Variants in CD46 observed in about 807,000 individuals in gnomAD.
The protein encoded by CD46 is membrane cofactor protein.
In CD46, 30 loss-of-function variants were observed where a neutral mutation model predicts 53.3. The ratio of observed to expected loss-of-function variants is 0.56; its 90% CI spans 0.42 to 0.76. The LOEUF is 0.76. Ranked by LOEUF, CD46 falls within the 30% of genes least tolerant of loss-of-function variation. CD46 has a pLI of 0.00. For synonymous variants in CD46, 142 were observed against 152.0 expected, an observed-to-expected ratio of 0.93 and a Z score of 0.48; for missense variants, 409 against 463.0, an observed-to-expected ratio of 0.88 and a Z score of 1.07.
Position 207,757,114 on chromosome 1 carries a change from A to T in CD46, c.198A>T (p.Lys66Asn), listed in dbSNP as rs150429980. ...IGERVDYKCK[K>N]GYFYIPPLAT... ...AACGAGTAGATTATAAGTGTAAAAA[A>T]GGATACTTCTATATACCTCCTCTTG... Residue 66 changes from lysine (K) to asparagine (N), a missense_variant, in exon 2 of 13, where the codon AAA (lysine) becomes AAT (asparagine). Coordinates refer to ENST00000367042, the MANE Select transcript of CD46 (RefSeq NM_172351.3). The T allele has an allele frequency of 3.2e-4, 523 of 1,613,892 alleles. No homozygotes were observed. Among genetic ancestry groups the T allele is most frequent in the Non-Finnish European group, 4.1e-4 (483 of 1,179,868 alleles).
intron 3 of CD46, among the ~76,000 whole-genome samples, chr1:207,759,330 T>C (rs1158028996): frequency 6.6e-6 from 1 of 152,116 alleles, no homozygotes; most frequent in African/African-American, 2.4e-5. Context: ...CTGTGCAAAG[T>C]GGTGTGAGAA....
chr1:207,767,324 C>G, intron 6 of CD46, 129 bp downstream of exon 6: 2 of 852,770 alleles, frequency 2.3e-6, no homozygotes, highest in Non-Finnish European at 3.9e-6. Flanking sequence ...GTATTTAACT[C>G]TGTCTTGTAT....
chr1:207,790,369 T>G lies in CD46; in HGVS notation c.*41+24T>G. The G allele has an allele frequency of 1.1e-5, 13 of 1,190,970 alleles. No homozygotes were observed. In the South Asian group the frequency reaches 1.6e-4, roughly 15 times the overall value. 73.8% of individuals were successfully genotyped at this position (1,190,970 alleles called of 1,614,324 possible). On this transcript the variant is annotated intron_variant, in intron 12 of 12. Transcript: ENST00000367042. Reference sequence around the variant, plus strand: ...AGGTATCTGTTTTCTGTTGTTTATTTTCAGATGTCCTTTCTTTTGAAAAAT... The same window carrying G: ...AGGTATCTGTTTTCTGTTGTTTATTGTCAGATGTCCTTTCTTTTGAAAAAT...
At position 207,782,640 on chromosome 1, in the gene CD46, C is replaced by CTTTT. The variant is rs35546891; in HGVS notation, c.944-629_944-626dup. ...AAAGCATTTATTTTTATTAATCCCT[C>CTTTT]TTTTTTTTTTTTTTTTTTTTTTTTT... On this transcript the variant is annotated intron_variant, in intron 8 of 12. Transcript: ENST00000367042. Among the ~76,000 whole-genome samples, 297 of 62,648 alleles carry CTTTT rather than the reference C, an allele frequency of 4.7e-3. 46 individuals are homozygous for CTTTT. The highest frequency in any genetic ancestry group is 0.019 in the African/African-American group (278 of 14,276). The allele number at this position is 62,648 out of a possible 152,430, so 41.1% of individuals were successfully genotyped here.
chr1:207,782,579 T>C (rs1658849477), intron 8 of CD46, among the ~76,000 whole-genome samples: 1 of 151,936 alleles, frequency 6.6e-6, no homozygotes, highest in South Asian at 2.1e-4. Context: ...GCCTTTATTA[T>C]GTTGAGGAAG....
In CD46 at chr1:207,753,871, G is replaced by A. The variant is rs548101464; in HGVS notation, c.97+1562G>A. ...TTCTACGTTGCATTTTTTTCCTTAG[G>A]AGCATTCATTCAACGAATATGGGTC... On this transcript the variant is annotated intron_variant, in intron 1 of 12. Transcript: ENST00000367042. Among the ~76,000 whole-genome samples the A allele has an allele frequency of 2.0e-5, 3 of 152,108 alleles. No homozygotes were observed. The East Asian group carries it at 5.8e-4, about 29-fold the overall frequency.
Position 207,752,397 on chromosome 1 carries a change from G to A in CD46, c.97+88G>A, listed in dbSNP as rs1655022238. ...GAGTCGCGGGGCGGGGCTCACAGCA[G>A]GCCGTGCCTGTTTGGGGACAGGGTT... On this transcript the variant is annotated intron_variant, in intron 1 of 12. Coordinates refer to ENST00000367042, the MANE Select transcript of CD46 (RefSeq NM_172351.3). This position sits in a 1 kb window ranked among gnomAD's most constrained non-coding sequence, Gnocchi z 4.1. 8 of 1,243,784 alleles carry A rather than the reference G, an allele frequency of 6.4e-6. No individual in the cohort carries two copies. The highest frequency in any genetic ancestry group is 9.4e-6 in the Non-Finnish European group (8 of 848,426). The allele number at this position is 1,243,784 out of a possible 1,614,324, so 77.0% of individuals were successfully genotyped here.
At chr1:207,787,713 A>G (rs10449303) in intron 11 of CD46, among the ~76,000 whole-genome samples, 54,332 of 151,996 alleles carry the variant, frequency 0.36, 10,097 homozygotes, top group Admixed American at 0.45. Context: ...AATAGATGTT[A>G]CCCTTTTTAT....
intron 4 of CD46, chr1:207,760,628 T>G (rs1158086533): frequency 6.6e-6 from 1 of 152,590 alleles, no homozygotes; most frequent in East Asian, 1.9e-4. Flanking sequence ...AAGAAATACC[T>G]GAGACTGGGT....
At chr1:207,767,444 G>C (rs909750895) in intron 6 of CD46, 1 of 746,226 alleles carries the variant, frequency 1.3e-6, no homozygotes, top group African/African-American at 1.8e-5. Flanking sequence ...ATGGGTATAT[G>C]CTTTTAATAT....
At chr1:207,762,858 C>T (rs1656384389) in intron 5 of CD46, 1 of 152,630 alleles carries the variant, frequency 6.6e-6, no homozygotes, top group African/African-American at 2.4e-5. Flanking sequence ...CATGTGGAAG[C>T]CAGAGGGGGT....
intron 8 of CD46, among the ~76,000 whole-genome samples, chr1:207,775,261 A>C (rs528736471): frequency 2.0e-5 from 3 of 152,100 alleles, no homozygotes; most frequent in African/African-American, 2.4e-5. Context: ...TACACTGTTT[A>C]TTCTAGTTAG....
chr1:207,770,488 T>G (rs1392562756), intron 8 of CD46, 126 bp downstream of exon 8: 9 of 697,138 alleles, frequency 1.3e-5, no homozygotes, highest in Non-Finnish European at 5.1e-6. Context: ...TGTGCCATGT[T>G]GGTTTGCTGC....
Position 207,752,060 on chromosome 1 carries a change from C to T in CD46, c.-153C>T. On this transcript the variant is annotated 5_prime_UTR_variant, in exon 1 of 13. Transcript: ENST00000367042. The surrounding 1 kb of genome is among the most constrained non-coding windows in gnomAD (Gnocchi z 4.1). ...ACGCACTTCCGCCCCGGGCGCGGCT[C>T]GGGCCACGCCCACCTGTCCTGCAGC... 2.5e-6 allele frequency: 2 copies of T among 813,966 alleles called. No individual in the cohort carries two copies. The highest frequency in any genetic ancestry group is 4.2e-6 in the Non-Finnish European group (2 of 479,050). The allele number at this position is 813,966 out of a possible 1,614,324, so 50.4% of individuals were successfully genotyped here.
chr1:207,764,464 G>A (rs1448072552), intron 5 of CD46, among the ~76,000 whole-genome samples: 6 of 152,168 alleles, frequency 3.9e-5, no homozygotes, highest in Admixed American at 1.3e-4. Context: ...CCTTCCTCAC[G>A]TCCACCCCGT....
intron 4 of CD46, 138 bp downstream of exon 4, chr1:207,759,862 C>T: frequency 1.7e-6 from 1 of 606,026 alleles, no homozygotes; most frequent in Non-Finnish European, 3.0e-6. Flanking sequence ...TGGTATTTAT[C>T]ATATTGGAAT....
chr1:207,759,509 ATGT>A (rs1655944843), intron 3 of CD46, 127 bp from the exon 4 acceptor site: 2 of 632,314 alleles, frequency 3.2e-6, no homozygotes, highest in Non-Finnish European at 5.7e-6. Context: ...GTTATATAGT[ATGT>A]TGTTTAAGAA....
intron 11 of CD46, among the ~76,000 whole-genome samples, chr1:207,788,540 C>T (rs1455769462): frequency 6.6e-6 from 1 of 151,806 alleles, no homozygotes; most frequent in Non-Finnish European, 1.5e-5. Context: ...CACAAAAAAA[C>T]CCCAAAGATT....
chr1:207,782,640 CTTTTTTTTTTTTT>C (rs35546891), intron 8 of CD46, among the ~76,000 whole-genome samples: 2 of 62,604 alleles, frequency 3.2e-5, no homozygotes, highest in African/African-American at 1.4e-4. Context: ...ATTAATCCCT[CTTTTTTTTTTTTT>C]TTTTTTTTTT....
Sources: gnomAD v4.1 joint callset for allele counts (sites outside exome capture counted in the v4.1 genomes callset) on GRCh38, gnomAD v4.1.1 for gene constraint, Gnocchi (gnomAD v3.1) non-coding constraint, MANE v1.5 for transcripts, NCBI Gene and HGNC (gene_info 2026-07-23, HGNC 2026-07-21) for gene names.